The following CHD8 variants were observed in gnomAD, a reference collection of about 807,000 sequenced individuals.
CHD8 encodes the protein chromodomain helicase DNA binding protein 8.
A neutral mutation model predicts 279.2 loss-of-function variants in CHD8; 31 were observed. The ratio of observed to expected loss-of-function variants is 0.11; its 90% confidence interval spans 0.08 to 0.15. CHD8 has a LOEUF of 0.15. CHD8 is among the 10% of genes least tolerant of loss of function. The pLI is 1.00. For missense variants in CHD8, 2,146 were observed against 3,230.5 expected (o/e 0.66, Z 8.14); for synonymous variants, 1,081 against 1,139.6 (o/e 0.95, Z 1.04).
chr14:21,393,967 C>T lies in CHD8; in HGVS notation c.5828G>A (p.Ser1943Asn). Reference sequence around the variant, plus strand: ...CTGCATGATGTTGCAGTCTGTTTGGCTCACCCCATGGCGGGCTGCCCCTCT... The same window carrying T: ...CTGCATGATGTTGCAGTCTGTTTGGTTCACCCCATGGCGGGCTGCCCCTCT... ...LLRGAARHGV[S>N]QTDCNIMQDP... Residue 1943 changes from serine (S) to asparagine (N), a missense_variant, in exon 32 of 38, where the codon AGC (serine) becomes AAC (asparagine). Coordinates refer to ENST00000646647, the MANE Select transcript of CHD8 (RefSeq NM_001170629.2). 1 of 1,614,000 alleles carries T rather than the reference C, an allele frequency of 6.2e-7. No individual in the cohort carries two copies. Among genetic ancestry groups the T allele is most frequent in the East Asian group, 2.2e-5 (1 of 44,884 alleles).
chr14:21,394,327 A>G lies in CHD8; in HGVS notation c.5549T>C (p.Phe1850Ser). 1 of 1,614,004 alleles carries G rather than the reference A, an allele frequency of 6.2e-7. No individual in the cohort carries two copies. The change falls in exon 31 of 38, where the codon TTT (phenylalanine) becomes TCT (serine). Residue 1850 changes from phenylalanine (F) to serine (S), a missense_variant. By Grantham distance (155) the Phe-to-Ser change is radical (BLOSUM62 -2). Transcript: ENST00000646647. ...DESLTKYFHG[F>S]VAMCRQVCRL... ...GCATACTTGGCGGCACATGGCCACA[A>G]AGCCATGGAAGTACTTGGTAAGGCT...
chr14:21,437,213 C>T, intron 1 of CHD8: 1 of 1,181,744 alleles, frequency 8.5e-7, no homozygotes. Context: ...CTGTGGGGGG[C>T]CGGTTCGCCC....
At chr14:21,452,573 G>C (rs544685530) in intron 1 of CHD8, among the ~76,000 whole-genome samples, 52 of 152,228 alleles carry the variant, frequency 3.4e-4, no homozygotes, top group African/African-American at 9.4e-4. Flanking sequence ...GAACCCAGGA[G>C]GTGGAGGTTG....
At chr14:21,423,725 T>C (rs1889160927) in intron 5 of CHD8, among the ~76,000 whole-genome samples, 1 of 152,178 alleles carries the variant, frequency 6.6e-6, no homozygotes, top group Admixed American at 6.5e-5. Context: ...GGGGGACACA[T>C]TCATCCACAG....
At chr14:21,409,190 C>T (rs1209806138) in intron 11 of CHD8, among the ~76,000 whole-genome samples, 1 of 152,200 alleles carries the variant, frequency 6.6e-6, no homozygotes, top group Non-Finnish European at 1.5e-5. Flanking sequence ...TTAGACAGCA[C>T]AGCTCTAAAA....
intron 1 of CHD8, among the ~76,000 whole-genome samples, chr14:21,434,081 T>C (rs1566448375): frequency 1.3e-5 from 2 of 150,618 alleles, no homozygotes. Context: ...GTTTCACTCT[T>C]GTCGCCCAGG....
chr14:21,402,862 T>A lies in CHD8; in HGVS notation c.3714+155A>T, dbSNP rs1213653516. Among the ~76,000 whole-genome samples, 6 of 152,226 alleles carry A rather than the reference T, an allele frequency of 3.9e-5. No homozygotes were observed. The highest frequency in any genetic ancestry group is 8.8e-5 in the Non-Finnish European group (6 of 68,036). ...CCTAAAACATTTACTGTCTTGTCGT[T>A]TACAGAAAACGTTTGCTGATTCCCT... On this transcript the variant is annotated intron_variant, in intron 18 of 37. Transcript: ENST00000646647. This position sits in a 1 kb window ranked among gnomAD's most constrained non-coding sequence, Gnocchi z 4.5.
At chr14:21,435,022 CTAGA>C (rs1380034827) in intron 1 of CHD8, among the ~76,000 whole-genome samples, 3 of 152,132 alleles carry the variant, frequency 2.0e-5, no homozygotes, top group African/African-American at 4.8e-5. Flanking sequence ...AAGTAACTGC[CTAGA>C]TAAAGAAGTC....
chr14:21,448,839 A>C (rs898528230), intron 1 of CHD8, among the ~76,000 whole-genome samples: 1 of 148,712 alleles, frequency 6.7e-6, no homozygotes, highest in African/African-American at 2.4e-5. Context: ...CTGGGATTAC[A>C]GGCGTGAGCC....
intron 2 of CHD8, chr14:21,429,799 T>G (rs1402603444): frequency 4.5e-6 from 1 of 224,318 alleles, no homozygotes. Flanking sequence ...CATGCCACCA[T>G]GCCCAGCTAA....
Position 21,385,694 on chromosome 14 carries a change from A to T in CHD8, c.7665T>A (p.Asp2555Glu). The T allele has an allele frequency of 6.4e-7, 1 of 1,551,926 alleles. No homozygotes were observed. The highest frequency in any genetic ancestry group is 8.7e-7 in the Non-Finnish European group (1 of 1,147,034). Residue 2555 changes from aspartate to glutamate, a missense_variant, in exon 38 of 38, where the codon GAT becomes GAA. Transcript: ENST00000646647. ...TGAGTGAGAAGTCCCTTTCTGAGCT[A>T]TCATAGCCCTGAGATAAGTCATCAT... ...EDDDDLSQGY[D>E]SSERDFSLID...
At chr14:21,433,301 G>C (rs1253400208) in intron 1 of CHD8, among the ~76,000 whole-genome samples, 1 of 152,156 alleles carries the variant, frequency 6.6e-6, no homozygotes, top group African/African-American at 2.4e-5. Flanking sequence ...CAAAATCCAT[G>C]TCTAGGGTTT....
chr14:21,422,698 C>A (rs943695070), intron 5 of CHD8, among the ~76,000 whole-genome samples: 2 of 152,180 alleles, frequency 1.3e-5, no homozygotes, highest in Admixed American at 1.3e-4. Flanking sequence ...GAGGCTGAGG[C>A]GGGTGGATCG....
At chr14:21,424,368 T>C (rs1339113192) in intron 5 of CHD8, among the ~76,000 whole-genome samples, 1 of 152,250 alleles carries the variant, frequency 6.6e-6, no homozygotes, top group Non-Finnish European at 1.5e-5. Flanking sequence ...ATCTGTTTTT[T>C]CTTCTCCAAT....
chr14:21,419,207 C>CT (rs1457362101), intron 5 of CHD8, among the ~76,000 whole-genome samples: 2 of 151,398 alleles, frequency 1.3e-5, no homozygotes, highest in African/African-American at 2.4e-5. Context: ...TTAAAATGAC[C>CT]TTTTTAAAAA....
At chr14:21,389,401 G>A (rs926346119) in intron 37 of CHD8, among the ~76,000 whole-genome samples, 4 of 152,088 alleles carry the variant, frequency 2.6e-5, no homozygotes, top group South Asian at 2.1e-4. Context: ...ACCTGAGGTC[G>A]GGAGTTTGAG....
rs574801156 is a variant in CHD8, at chr14:21,441,695, T to C, written c.-215-9837A>G. Among the ~76,000 whole-genome samples the C allele has an allele frequency of 2.5e-3, 381 of 152,146 alleles. 2 individuals are homozygous for C. The highest frequency in any genetic ancestry group is 4.3e-3 in the Non-Finnish European group (293 of 68,004). On this transcript the variant is annotated intron_variant, in intron 1 of 37. Transcript: ENST00000646647. ...CGAGGTCAGGAGATGGAGACCATCC[T>C]GGCTAACACGGTGAAACCCCGTCTC...
chr14:21,385,353 G>A lies in CHD8; in HGVS notation c.*260C>T, dbSNP rs1176283883. On this transcript the variant is annotated 3_prime_UTR_variant, in exon 38 of 38. Coordinates refer to ENST00000646647, the MANE Select transcript of CHD8 (RefSeq NM_001170629.2). ...TTAATGGAGGTGACTAGGGAGGGGT[G>A]AGCACACCAGCTGCTCTAGTCTCCT... The A allele has an allele frequency of 1.9e-5, 10 of 526,734 alleles. No individual in the cohort carries two copies. The highest frequency in any genetic ancestry group is 3.3e-5 in the Non-Finnish European group (10 of 305,098). The allele number at this position is 526,734 out of a possible 1,614,324, so 32.6% of individuals were successfully genotyped here.
chr14:21,395,315 A>G lies in CHD8; in HGVS notation c.5165T>C (p.Val1722Ala). 1 of 1,608,814 alleles carries G rather than the reference A, an allele frequency of 6.2e-7. No individual in the cohort carries two copies. The highest frequency in any genetic ancestry group is 8.5e-7 in the Non-Finnish European group (1 of 1,176,780). ...PLMMMDEEIS[V>A]IDGDEAQVTQ... is the part of the protein sequence containing the mutation. ...AAGTTTACCTTCATCTCCATCAATCACTGAGATCTCCTCATCCATCATCAT... is the reference window on the plus strand; with the variant it reads ...AAGTTTACCTTCATCTCCATCAATCGCTGAGATCTCCTCATCCATCATCAT... The change falls in exon 29 of 38, where the codon GTG becomes GCG. Residue 1722 changes from valine (V) to alanine (A), a missense_variant. Transcript: ENST00000646647.
Sources: allele counts gnomAD v4.1 joint callset (sites outside exome capture counted in the v4.1 genomes callset), GRCh38; gene constraint gnomAD v4.1.1; non-coding constraint Gnocchi (gnomAD v3.1); transcripts MANE v1.5; gene names NCBI Gene and HGNC (gene_info 2026-07-23, HGNC 2026-07-21).